Variants in MAN1A1 observed in about 807,000 individuals in gnomAD.
The protein encoded by MAN1A1 is mannosyl-oligosaccharide 1,2-alpha-mannosidase IA.
Under a neutral mutation model 70.8 loss-of-function variants are expected in MAN1A1, and 29 were observed. That is an observed-to-expected ratio of 0.41 (90% CI 0.31 to 0.56). MAN1A1 has a LOEUF of 0.56. MAN1A1 is among the 20% of genes least tolerant of loss of function. MAN1A1 has a pLI of 0.29. For synonymous variants in MAN1A1, 349 were observed against 330.1 expected (o/e 1.06, Z -0.62); for missense variants, 747 against 841.3 (o/e 0.89, Z 1.39).
chr6:119,261,993 T>C (rs1341463793), intron 5 of MAN1A1, among the ~76,000 whole-genome samples: 1 of 151,980 alleles, frequency 6.6e-6, no homozygotes. Context: ...AAAAGGGAAA[T>C]AACAGAAGTG....
At chr6:119,342,699 A>G (rs1255948242) in intron 2 of MAN1A1, among the ~76,000 whole-genome samples, 2 of 152,206 alleles carry the variant, frequency 1.3e-5, no homozygotes, top group Non-Finnish European at 2.9e-5. Context: ...ACTTGGGTGG[A>G]GAGAATTGCC....
At chr6:119,189,982 ACAAT>A in intron 9 of MAN1A1, 99 bp from the exon 10 acceptor site, 1 of 908,452 alleles carries the variant, frequency 1.1e-6, no homozygotes, top group Non-Finnish European at 1.7e-6. Context: ...AATACACCTG[ACAAT>A]CAGAGTTTGG....
intron 2 of MAN1A1, among the ~76,000 whole-genome samples, chr6:119,325,754 A>C (rs1773129823): frequency 6.6e-6 from 1 of 152,180 alleles, no homozygotes; most frequent in Non-Finnish European, 1.5e-5. Flanking sequence ...TTGAAATAAG[A>C]TAGTTTGTCA....
At chr6:119,322,633 C>T (rs767810201) in intron 2 of MAN1A1, among the ~76,000 whole-genome samples, 34 of 152,202 alleles carry the variant, frequency 2.2e-4, no homozygotes, top group East Asian at 3.8e-4. Context: ...TACATAGACA[C>T]TGATTCACTA....
chr6:119,256,519 G>C (rs1008130891), intron 5 of MAN1A1, among the ~76,000 whole-genome samples: 3 of 151,914 alleles, frequency 2.0e-5, no homozygotes, highest in Non-Finnish European at 4.4e-5. Flanking sequence ...GGAATGCTGG[G>C]AAGAACTTCA....
chr6:119,226,634 A>G (rs926451506), intron 6 of MAN1A1, among the ~76,000 whole-genome samples: 1 of 152,166 alleles, frequency 6.6e-6, no homozygotes, highest in Non-Finnish European at 1.5e-5. Context: ...TACCAAGAAG[A>G]ATATATAAAA....
intron 6 of MAN1A1, 21 bp from the exon 7 acceptor site, chr6:119,204,903 A>C (rs1338616417): frequency 2.0e-5 from 32 of 1,612,632 alleles, no homozygotes; most frequent in Non-Finnish European, 2.1e-5. Context: ...GATGACGTCG[A>C]AGAGTTATGG....
intron 2 of MAN1A1, among the ~76,000 whole-genome samples, chr6:119,318,826 C>T (rs867262413): frequency 6.6e-6 from 1 of 152,164 alleles, no homozygotes. Context: ...TTCACCTCTA[C>T]TTGGGCATCC....
At chr6:119,266,628 T>C (rs1420823376) in intron 5 of MAN1A1, among the ~76,000 whole-genome samples, 1 of 152,102 alleles carries the variant, frequency 6.6e-6, no homozygotes, top group Non-Finnish European at 1.5e-5. Flanking sequence ...AATGCAATAC[T>C]ATAAAACTCC....
intron 11 of MAN1A1, among the ~76,000 whole-genome samples, chr6:119,185,050 G>A (rs571300476): frequency 1.1e-3 from 172 of 151,972 alleles, no homozygotes; most frequent in African/African-American, 3.4e-3. Flanking sequence ...CCAGCATGAC[G>A]GGCTAATTTT....
At chr6:119,254,186 T>G (rs1775401330) in intron 5 of MAN1A1, among the ~76,000 whole-genome samples, 1 of 152,224 alleles carries the variant, frequency 6.6e-6, no homozygotes, top group Non-Finnish European at 1.5e-5. Context: ...TATTAGATGA[T>G]GTGCTGAAAA....
chr6:119,233,730 A>C (rs1432576411), intron 6 of MAN1A1, among the ~76,000 whole-genome samples: 5 of 152,222 alleles, frequency 3.3e-5, no homozygotes, highest in Non-Finnish European at 7.3e-5. Flanking sequence ...GCTTCTGTGA[A>C]AGGTGACACA....
chr6:119,220,689 G>T (rs1404512689), intron 6 of MAN1A1, among the ~76,000 whole-genome samples: 1 of 152,212 alleles, frequency 6.6e-6, no homozygotes, highest in African/African-American at 2.4e-5. Flanking sequence ...AGTGGCAAGG[G>T]TGGGTGGGTT....
At chr6:119,248,471 A>G in intron 5 of MAN1A1, 117 bp from the exon 6 acceptor site, 1 of 632,954 alleles carries the variant, frequency 1.6e-6, no homozygotes, top group South Asian at 2.0e-5. Flanking sequence ...TCTACTTTTA[A>G]TATCTGACAA....
At chr6:119,278,796 T>C (rs1776149031) in intron 5 of MAN1A1, among the ~76,000 whole-genome samples, 1 of 152,026 alleles carries the variant, frequency 6.6e-6, no homozygotes, top group African/African-American at 2.4e-5. Flanking sequence ...ATCTGGTTGT[T>C]TAGAGTATGG....
rs918858969 is a variant in MAN1A1, at chr6:119,188,477, C to T, written c.1647G>A (p.Met549Ile). Residue 549 changes from methionine to isoleucine, a missense_variant, in exon 11 of 13, where the codon ATG (methionine) becomes ATA (isoleucine). Around this residue, in one of 2 missense-constraint regions of MAN1A1, gnomAD observed 419 missense variants for 548.2 expected, o/e 0.76. Transcript: ENST00000368468. ...EKYYILRPEV[M>I]ETYMYMWRLT... ...GTCTCCACATATACATGTAAGTCTC[C>T]ATAACTTCTGGCCGTAAGATGTAGT... is the stretch of plus-strand genomic sequence containing the variant. 9 of 1,614,014 alleles carry T rather than the reference C, an allele frequency of 5.6e-6. No individual in the cohort carries two copies. Among genetic ancestry groups the T allele is most frequent in the Non-Finnish European group, 7.6e-6 (9 of 1,179,912 alleles).
chr6:119,240,139 T>A (rs889727900), intron 6 of MAN1A1, among the ~76,000 whole-genome samples: 1 of 152,134 alleles, frequency 6.6e-6, no homozygotes, highest in Non-Finnish European at 1.5e-5. Context: ...AAGGTTCTAT[T>A]TGCCCAAAAT....
intron 6 of MAN1A1, among the ~76,000 whole-genome samples, chr6:119,211,161 C>T (rs1774040464): frequency 6.6e-6 from 1 of 152,180 alleles, no homozygotes; most frequent in South Asian, 2.1e-4. Context: ...GAGTTAAACA[C>T]ATATTTTCAT....
At chr6:119,313,652 T>C (rs1181824699) in intron 2 of MAN1A1, among the ~76,000 whole-genome samples, 8 of 137,566 alleles carry the variant, frequency 5.8e-5, no homozygotes, top group African/African-American at 8.2e-5. Context: ...ACACAGAACC[T>C]ACTTATACTA....
Sources: gnomAD v4.1 joint callset for allele counts (sites outside exome capture counted in the v4.1 genomes callset) on GRCh38, gnomAD v4.1.1 for gene constraint, gnomAD v4.1.1 regional missense constraint, MANE v1.5 for transcripts, NCBI Gene and HGNC (gene_info 2026-07-23, HGNC 2026-07-21) for gene names.